The following TMEM266 variants were observed in gnomAD, a reference collection of about 807,000 sequenced individuals.
TMEM266 encodes the protein transmembrane protein 266, also known as Hv1 related protein 1.
TMEM266 carries 33 observed loss-of-function variants against 50.5 expected under a neutral mutation model. The observed-to-expected ratio is 0.65, with a 90% CI of 0.50 to 0.87. The LOEUF is 0.87. TMEM266 is among the 40% of genes least tolerant of loss of function. The pLI is 0.00. For synonymous variants in TMEM266, 310 were observed against 292.3 expected (o/e 1.06, Z -0.62); for missense variants, 655 against 695.1 (o/e 0.94, Z 0.65).
chr15:76,118,647 GAT>G (rs1375649660), intron 1 of TMEM266, among the ~76,000 whole-genome samples: 2 of 152,198 alleles, frequency 1.3e-5, no homozygotes, highest in South Asian at 4.1e-4. Context: ...CACTTTCTAG[GAT>G]CTCTGTAAAT....
At chr15:76,085,987 G>A (rs2036770806) in intron 1 of TMEM266, among the ~76,000 whole-genome samples, 1 of 151,354 alleles carries the variant, frequency 6.6e-6, no homozygotes, top group African/African-American at 2.4e-5. Flanking sequence ...GGTGGAGGTT[G>A]CATTGAGCTG....
At chr15:76,105,228 A>G (rs1393308192) in intron 1 of TMEM266, among the ~76,000 whole-genome samples, 1 of 152,024 alleles carries the variant, frequency 6.6e-6, no homozygotes, top group Non-Finnish European at 1.5e-5. Context: ...CCTGAGTGAC[A>G]CAGCGAGACT....
intron 3 of TMEM266, among the ~76,000 whole-genome samples, chr15:76,155,459 G>A (rs546315882): frequency 6.6e-6 from 1 of 152,234 alleles, no homozygotes; most frequent in Admixed American, 6.5e-5. Flanking sequence ...TGCTGTCCTC[G>A]GAGGCCTGAC....
intron 1 of TMEM266, among the ~76,000 whole-genome samples, chr15:76,079,235 C>T (rs1015444827): frequency 1.4e-4 from 21 of 151,812 alleles, no homozygotes; most frequent in Admixed American, 9.9e-4. Context: ...CGCCTGTAGT[C>T]CCAGCTACTC....
chr15:76,174,784 C>G (rs963237816), intron 7 of TMEM266: 1 of 152,254 alleles, frequency 6.6e-6, no homozygotes, highest in African/African-American at 2.4e-5. Flanking sequence ...CGTGGTTTTT[C>G]TCTGCTGGCC....
chr15:76,066,466 A>G (rs1411340935), intron 1 of TMEM266, among the ~76,000 whole-genome samples: 2 of 152,096 alleles, frequency 1.3e-5, no homozygotes, highest in Non-Finnish European at 2.9e-5. Flanking sequence ...TATACTCTCT[A>G]CTCTCAGAAT....
At chr15:76,075,252 G>C (rs1211051347) in intron 1 of TMEM266, among the ~76,000 whole-genome samples, 1 of 152,108 alleles carries the variant, frequency 6.6e-6, no homozygotes, top group Non-Finnish European at 1.5e-5. Flanking sequence ...AAGGTAGATG[G>C]AGAAGAGAAA....
chr15:76,168,648 G>T lies in TMEM266; in HGVS notation c.457-1168G>T, dbSNP rs62030164. On this transcript the variant is annotated intron_variant, in intron 5 of 10. Coordinates refer to ENST00000388942, the MANE Select transcript of TMEM266 (RefSeq NM_152335.3). The surrounding 1 kb of genome is among the most constrained non-coding windows in gnomAD (Gnocchi z 4.4). The stretch of plus-strand genomic sequence containing the variant: ...ATTCGGGAATTATTCCTTCATGCAC[G>T]CATTGTTCATCTGTCCACAGTGCAT... 1.3e-5 allele frequency among the ~76,000 whole-genome samples: 2 copies of T among 152,222 alleles called. No homozygotes were observed. Among genetic ancestry groups the T allele is most frequent in the Non-Finnish European group, 1.5e-5 (1 of 68,038 alleles).
At chr15:76,123,324 A>T (rs2037370513) in intron 1 of TMEM266, among the ~76,000 whole-genome samples, 1 of 152,258 alleles carries the variant, frequency 6.6e-6, no homozygotes, top group South Asian at 2.1e-4. Flanking sequence ...ATCAAGCACA[A>T]GAAATACAAC....
chr15:76,159,998 CCG>C, intron 4 of TMEM266, 95 bp from the exon 5 acceptor site: 1 of 1,211,860 alleles, frequency 8.3e-7, no homozygotes, highest in East Asian at 2.4e-5. Context: ...CAGGCGGGCC[CCG>C]GGGTCCCAGA....
chr15:76,095,933 AG>A (rs1567148992), intron 1 of TMEM266, among the ~76,000 whole-genome samples: 1 of 151,982 alleles, frequency 6.6e-6, no homozygotes, highest in African/African-American at 2.4e-5. Flanking sequence ...TGATGGTGGT[AG>A]TTTGCATTTC....
chr15:76,087,304 T>G (rs948761574), intron 1 of TMEM266, among the ~76,000 whole-genome samples: 1 of 152,064 alleles, frequency 6.6e-6, no homozygotes, highest in African/African-American at 2.4e-5. Flanking sequence ...GCAGTGGGGA[T>G]GGAGAAAGGG....
intron 8 of TMEM266, among the ~76,000 whole-genome samples, chr15:76,184,439 C>G (rs759233968): frequency 6.6e-6 from 1 of 152,250 alleles, no homozygotes; most frequent in Non-Finnish European, 1.5e-5. Context: ...CAGCTTTACT[C>G]TGCTCCTAAA....
In TMEM266 at chr15:76,146,622, A is replaced by G. The variant is rs149789064; in HGVS notation, c.227+8727A>G. Among the ~76,000 whole-genome samples the G allele has an allele frequency of 7.9e-3, 1,203 of 152,380 alleles. 11 individuals are homozygous for G. The highest frequency in any genetic ancestry group is 0.013 in the Non-Finnish European group (896 of 68,026). ...CAGGTTAGAAAAATAAGACAGACCCAATATAGCAAACATCTCTAAATAAGG... is the reference window on the plus strand; with the variant it reads ...CAGGTTAGAAAAATAAGACAGACCCGATATAGCAAACATCTCTAAATAAGG... On this transcript the variant is annotated intron_variant, in intron 3 of 10. Transcript: ENST00000388942.
intron 7 of TMEM266, among the ~76,000 whole-genome samples, chr15:76,172,882 CA>C (rs2038207231): frequency 6.6e-6 from 1 of 152,160 alleles, no homozygotes; most frequent in Non-Finnish European, 1.5e-5. Flanking sequence ...GGGGCAGGAT[CA>C]GCGCCTTCTG....
At chr15:76,060,351 G>T (rs2036274690) in intron 1 of TMEM266, among the ~76,000 whole-genome samples, 3 of 147,990 alleles carry the variant, frequency 2.0e-5, no homozygotes, top group African/African-American at 7.6e-5. Flanking sequence ...AATAAAACAT[G>T]CAAGCTGGAG....
intron 8 of TMEM266, chr15:76,175,885 G>C (rs1236413114): frequency 4.1e-6 from 2 of 484,928 alleles, no homozygotes; most frequent in Non-Finnish European, 7.4e-6. Flanking sequence ...ACTCAACCCT[G>C]ACTCCCAGGC....
chr15:76,108,449 T>C (rs756967764), intron 1 of TMEM266, among the ~76,000 whole-genome samples: 1 of 152,250 alleles, frequency 6.6e-6, no homozygotes, highest in Non-Finnish European at 1.5e-5. Flanking sequence ...TAACGTCTTA[T>C]AAATCTCCTG....
chr15:76,204,094 G>C lies in TMEM266; in HGVS notation c.1375G>C (p.Asp459His), dbSNP rs748524275. 3 of 1,612,722 alleles carry C rather than the reference G, an allele frequency of 1.9e-6. No homozygotes were observed. The East Asian group carries it at 6.7e-5, about 36-fold the overall frequency. Residue 459 changes from aspartate (D) to histidine (H), a missense_variant, in exon 11 of 11, where the codon GAC (aspartate) becomes CAC (histidine). Transcript: ENST00000388942. The stretch of plus-strand genomic sequence containing the variant: ...CCCCTGCCCTTCCCAGAAGGCCTTG[G>C]ACCCAGCCCCCCTCGCCCGGCCCAG...
Sources: allele counts gnomAD v4.1 joint callset (sites outside exome capture counted in the v4.1 genomes callset), GRCh38; gene constraint gnomAD v4.1.1; non-coding constraint Gnocchi (gnomAD v3.1); transcripts MANE v1.5; gene names NCBI Gene and HGNC (gene_info 2026-07-23, HGNC 2026-07-21).